The following KIF17 variants were observed in gnomAD, a reference collection of about 807,000 sequenced individuals.
KIF17 encodes kinesin-like protein KIF17.
KIF17 carries 80 observed loss-of-function variants against 96.8 expected under a neutral mutation model. The observed-to-expected ratio is 0.83, with a 90% CI of 0.69 to 1.00. The LOEUF (loss-of-function observed/expected upper bound fraction) is 1.00, where lower values mean the gene tolerates loss of function less well. Ranked by LOEUF, KIF17 falls within the 50% of genes least tolerant of loss-of-function variation. The pLI, the probability that KIF17 is intolerant of heterozygous loss-of-function variation, is 0.00. For synonymous variants in KIF17, 567 were observed against 587.5 expected (o/e 0.97, Z 0.51); for missense variants, 1,280 against 1,372.9 (o/e 0.93, Z 1.07).
rs1423763339 is a variant in KIF17 at position 20,716,229 on chromosome 1, G to A, written c.232-590C>T. 5.7e-5 allele frequency among the ~76,000 whole-genome samples: 8 copies of A among 140,564 alleles called. 1 individual carries two copies. The highest frequency in any genetic ancestry group is 4.5e-4 in the South Asian group (2 of 4,466). 92.2% of individuals were successfully genotyped at this position (140,564 alleles called of 152,430 possible). On this transcript the variant is annotated intron_variant, in intron 1 of 14. Transcript: ENST00000400463. The stretch of plus-strand genomic sequence containing the variant: ...TGCACCCCAGCCTGGGCGACAGCGC[G>A]AGACTCCGTCTCAAAAAAAAAAAAA...
rs761281123 is a variant in KIF17 at position 20,704,638 on chromosome 1, C to A, written c.932G>T (p.Cys311Phe). ...GGNTKTLMVA[C>F]LSPADNNYDE... Reference sequence around the variant, plus strand: ...GTAGTTGTTGTCCGCAGGCGACAGGCAGGCCACCATGAGCGTCTTGGTGTT... The same window carrying A: ...GTAGTTGTTGTCCGCAGGCGACAGGAAGGCCACCATGAGCGTCTTGGTGTT... Residue 311 changes from cysteine (C) to phenylalanine (F), a missense_variant, in exon 5 of 15, where the codon TGC becomes TTC. By Grantham distance (205) the Cys-to-Phe change is radical. Coordinates refer to ENST00000400463, the MANE Select transcript of KIF17 (RefSeq NM_001122819.3). The surrounding 1 kb of genome is among the most constrained non-coding windows in gnomAD (Gnocchi z 6.8). 6.2e-7 allele frequency: 1 copy of A among 1,614,058 alleles called. No individual in the cohort carries two copies. Among genetic ancestry groups the A allele is most frequent in the African/African-American group, 1.3e-5 (1 of 74,928 alleles).
intron 12 of KIF17, among the ~76,000 whole-genome samples, chr1:20,670,897 GCA>G (rs2053637334): frequency 6.6e-6 from 1 of 152,204 alleles, no homozygotes; most frequent in Non-Finnish European, 1.5e-5. Flanking sequence ...CCCCAAATGG[GCA>G]GAGTCAGGTC....
At chr1:20,702,959 A>T (rs1395524554) in intron 5 of KIF17, among the ~76,000 whole-genome samples, 1 of 152,222 alleles carries the variant, frequency 6.6e-6, no homozygotes, top group East Asian at 1.9e-4. Flanking sequence ...ACGTGTCCAC[A>T]CAGAGGAGCA....
Position 20,672,443 on chromosome 1 carries a change from T to C in KIF17, c.2464-247A>G, listed in dbSNP as rs950342371. 2.0e-5 allele frequency among the ~76,000 whole-genome samples: 3 copies of C among 152,148 alleles called. No individual in the cohort carries two copies. The highest frequency in any genetic ancestry group is 7.2e-5 in the African/African-American group (3 of 41,422). On this transcript the variant is annotated intron_variant, in intron 11 of 14. Transcript: ENST00000400463. The surrounding 1 kb of genome is among the most constrained non-coding windows in gnomAD (Gnocchi z 4.3). ...GCTGTCTCTCCACCCAGCATTTAAA[T>C]GAGCACCTAATGTGTCCCCCCAGCC... is the stretch of plus-strand genomic sequence containing the variant.
rs2053851164 is a variant in KIF17, at chr1:20,682,704, G to A, written c.2412C>T (p.Ile804=). ...TGCTCTTGGCCCGCACTTCCTCCTGGATGGAGTCGTAGACGTTAAGCAGCA... is the reference window on the plus strand; with the variant it reads ...TGCTCTTGGCCCGCACTTCCTCCTGAATGGAGTCGTAGACGTTAAGCAGCA... ...DWVLLNVYDS[I]QEEVRAKSKL... The change falls in exon 11 of 15, where the codon ATC becomes ATT. Residue 804 remains isoleucine (I), a synonymous_variant. Coordinates refer to ENST00000400463, the MANE Select transcript of KIF17 (RefSeq NM_001122819.3). The A allele has an allele frequency of 6.2e-7, 1 of 1,613,924 alleles. No individual in the cohort carries two copies. The highest frequency in any genetic ancestry group is 8.5e-7 in the Non-Finnish European group (1 of 1,180,038).
intron 11 of KIF17, among the ~76,000 whole-genome samples, chr1:20,680,183 A>G (rs2053806462): frequency 6.6e-6 from 1 of 152,162 alleles, no homozygotes; most frequent in African/African-American, 2.4e-5. Context: ...TTCACTATAC[A>G]AAGAGAAGAG....
In KIF17 at chr1:20,687,749, T is replaced by C. The variant is rs1213927356; in HGVS notation, c.1577A>G (p.Lys526Arg). Reference protein sequence around the residue: ...QVSSRFAELPKVEPSKSEISL... With the variant: ...QVSSRFAELPRVEPSKSEISL... The stretch of plus-strand genomic sequence containing the variant: ...AATCTCAGATTTGGAGGGTTCCACC[T>C]TGGGCAGCTCCGCAAACCTGGAGGA... The change falls in exon 8 of 15, where the codon AAG becomes AGG. Residue 526 changes from lysine to arginine, a missense_variant. Physicochemically the swap from Lys to Arg is conservative, Grantham distance 26. Transcript: ENST00000400463. The surrounding 1 kb of genome is among the most constrained non-coding windows in gnomAD (Gnocchi z 4.4). 7 of 1,614,202 alleles carry C rather than the reference T, an allele frequency of 4.3e-6. No homozygotes were observed. In the Admixed American group the frequency reaches 8.3e-5, roughly 19 times the overall value.
In KIF17 at chr1:20,715,557, G is replaced by C. The variant is rs139355427; in HGVS notation, c.314C>G (p.Pro105Arg). 1.5e-4 allele frequency: 238 copies of C among 1,613,690 alleles called. No homozygotes were observed. In the African/African-American group the frequency reaches 1.7e-3, roughly 12 times the overall value. ...SGKSFTMQGL[P>R]DPPSQRGIIP... ...GATGCCTCTCTGGGAGGGCGGATCC[G>C]GCAGGCCCTGCATGGTGAAGGACTT... The change falls in exon 2 of 15, where the codon CCG becomes CGG. Residue 105 changes from proline to arginine, a missense_variant. Transcript: ENST00000400463.
chr1:20,706,930 A>G (rs2054352750), intron 4 of KIF17, among the ~76,000 whole-genome samples: 1 of 151,892 alleles, frequency 6.6e-6, no homozygotes, highest in Non-Finnish European at 1.5e-5. Flanking sequence ...CAAACAAACA[A>G]AAACACCACC....
intron 5 of KIF17, among the ~76,000 whole-genome samples, chr1:20,703,061 A>G (rs1436000063): frequency 2.6e-5 from 4 of 152,080 alleles, no homozygotes; most frequent in African/African-American, 9.7e-5. Flanking sequence ...ATGGGTGGGT[A>G]TATGGATGGT....
intron 13 of KIF17, among the ~76,000 whole-genome samples, chr1:20,669,153 C>T (rs2053587223): frequency 6.6e-6 from 1 of 152,068 alleles, no homozygotes; most frequent in African/African-American, 2.4e-5. Flanking sequence ...GACTGGTGGA[C>T]TCCCGCTGGT....
intron 13 of KIF17, among the ~76,000 whole-genome samples, chr1:20,666,806 G>T (rs183980315): frequency 6.6e-6 from 1 of 152,208 alleles, no homozygotes; most frequent in Non-Finnish European, 1.5e-5. Context: ...CACTATTATG[G>T]ACTTGTTTTC....
rs528089648 is a variant in KIF17, at chr1:20,666,230, G to A, written c.2892C>T (p.Asp964=). The A allele has an allele frequency of 5.6e-6, 9 of 1,613,522 alleles. No individual in the cohort carries two copies. Among genetic ancestry groups the A allele is most frequent in the South Asian group, 4.4e-5 (4 of 91,062 alleles). ...SKRASQILST[D]ARKSLTHHNS... is the part of the protein sequence containing the mutation. ...GACACTCACTGAGGCTCTTCCTGGC[G>A]TCTGTGCTGAGGATCTGGCTGGCCC... Residue 964 remains aspartate (D), a synonymous_variant, in exon 14 of 15, where the codon GAC becomes GAT. Coordinates refer to ENST00000400463, the MANE Select transcript of KIF17 (RefSeq NM_001122819.3).
At chr1:20,703,197 G>A (rs1403200256) in intron 5 of KIF17, among the ~76,000 whole-genome samples, 2 of 151,944 alleles carry the variant, frequency 1.3e-5, no homozygotes, top group Non-Finnish European at 2.9e-5. Flanking sequence ...ACGGATGGAT[G>A]GGAGATGGAA....
In KIF17 at chr1:20,683,658, A is replaced by C. The variant is rs1202119272; in HGVS notation, c.2232-774T>G. ...CAACAGAGCAAGGCTTCATCTCAAA[A>C]AAAAAAGAAAGAAAAAAACATCCTG... On this transcript the variant is annotated intron_variant, in intron 10 of 14. Transcript: ENST00000400463. 2.0e-5 allele frequency among the ~76,000 whole-genome samples: 3 copies of C among 152,132 alleles called. No homozygotes were observed. In the South Asian group the frequency reaches 6.2e-4, roughly 32 times the overall value.
At chr1:20,716,218 G>A (rs538639979) in intron 1 of KIF17, among the ~76,000 whole-genome samples, 1 of 149,684 alleles carries the variant, frequency 6.7e-6, no homozygotes, top group Non-Finnish European at 1.5e-5. Context: ...CCCCAGCCTG[G>A]GCGACAGCGC....
rs770758270 is a variant in KIF17, at chr1:20,669,564, T to TAATAATAAATA, written c.2790+856_2790+857insTATTTATTATT. On this transcript the variant is annotated intron_variant, in intron 13 of 14. Coordinates refer to ENST00000400463, the MANE Select transcript of KIF17 (RefSeq NM_001122819.3). ...ATAATAATAATAATAATAATAATAA[T>TAATAATAAATA]AAATAAAATAAAATAAAATAAAATA... Among the ~76,000 whole-genome samples, 245 of 124,432 alleles carry TAATAATAAATA rather than the reference T, an allele frequency of 2.0e-3. 2 individuals carry two copies. Among genetic ancestry groups the TAATAATAAATA allele is most frequent in the African/African-American group, 4.3e-3 (139 of 32,294 alleles). 81.6% of individuals were successfully genotyped at this position (124,432 alleles called of 152,430 possible).
At chr1:20,711,367 G>A (rs534665214) in intron 3 of KIF17, among the ~76,000 whole-genome samples, 8 of 152,152 alleles carry the variant, frequency 5.3e-5, no homozygotes, top group African/African-American at 1.7e-4. Context: ...CCTCCACCGC[G>A]CTCCCAACCC....
chr1:20,668,480 C>A (rs1490936915), intron 13 of KIF17, among the ~76,000 whole-genome samples: 2 of 152,140 alleles, frequency 1.3e-5, no homozygotes, highest in Non-Finnish European at 2.9e-5. Context: ...GACATAACCT[C>A]TTTGTGGTCC....
Sources: gnomAD v4.1 joint callset for allele counts (sites outside exome capture counted in the v4.1 genomes callset) on GRCh38, gnomAD v4.1.1 for gene constraint, Gnocchi (gnomAD v3.1) non-coding constraint, MANE v1.5 for transcripts, NCBI Gene and HGNC (gene_info 2026-07-23, HGNC 2026-07-21) for gene names.